The following PIP5K1B variants were observed in gnomAD, a reference collection of about 807,000 sequenced individuals.
PIP5K1B encodes phosphatidylinositol 4-phosphate 5-kinase type-1 beta.
PIP5K1B carries 42 observed loss-of-function variants against 67.0 expected under a neutral mutation model. That is an observed-to-expected ratio of 0.63 (90% CI 0.49 to 0.81). The LOEUF is 0.81. Ranked by LOEUF, PIP5K1B falls within the 30% of genes least tolerant of loss-of-function variation. The probability of loss-of-function intolerance (pLI) is 0.00; values close to 1 mark genes in which losing one functional copy is unlikely to be tolerated. For synonymous variants in PIP5K1B, 214 were observed against 231.4 expected, an observed-to-expected ratio of 0.92 and a Z score of 0.68; for missense variants, 459 against 646.3, an observed-to-expected ratio of 0.71 and a Z score of 3.14.
intron 15 of PIP5K1B, among the ~76,000 whole-genome samples, chr9:69,003,422 T>C (rs1830913833): frequency 6.6e-6 from 1 of 151,200 alleles, no homozygotes; most frequent in Admixed American, 6.6e-5. Context: ...AGAAAGCTCT[T>C]GCTTTAATAA....
At chr9:68,958,572 T>G (rs1828528562) in intron 14 of PIP5K1B, among the ~76,000 whole-genome samples, 1 of 152,224 alleles carries the variant, frequency 6.6e-6, no homozygotes, top group African/African-American at 2.4e-5. Flanking sequence ...CAAGCAGCAT[T>G]CATGATTTTG....
chr9:68,828,359 T>A (rs1834097691), intron 4 of PIP5K1B, among the ~76,000 whole-genome samples: 1 of 152,202 alleles, frequency 6.6e-6, no homozygotes, highest in South Asian at 2.1e-4. Context: ...TTTAGCTGGT[T>A]TTCACTGTGA....
intron 14 of PIP5K1B, 174 bp downstream of exon 14, chr9:68,940,964 G>C (rs1827531570): frequency 1.4e-6 from 1 of 706,848 alleles, no homozygotes. Context: ...GAACATTGGA[G>C]GGAAAACCCT....
At chr9:68,889,504 G>A (rs565464870) in intron 7 of PIP5K1B, among the ~76,000 whole-genome samples, 1 of 152,188 alleles carries the variant, frequency 6.6e-6, no homozygotes, top group South Asian at 2.1e-4. Context: ...GGAGGCCGAG[G>A]CAGGCAGATC....
intron 8 of PIP5K1B, among the ~76,000 whole-genome samples, chr9:68,897,353 C>G (rs140065925): frequency 2.0e-5 from 3 of 152,136 alleles, no homozygotes; most frequent in Non-Finnish European, 1.5e-5. Flanking sequence ...ATGAGGTGCA[C>G]GACCTTTATT....
intron 15 of PIP5K1B, among the ~76,000 whole-genome samples, chr9:68,999,785 A>T (rs757179338): frequency 6.6e-6 from 1 of 152,228 alleles, no homozygotes; most frequent in African/African-American, 2.4e-5. Context: ...CTTGCCAATG[A>T]GTTCCTGCTT....
rs1827078581 is a variant in PIP5K1B at position 68,705,554 on chromosome 9, T to C, written c.-451T>C. 1.4e-5 allele frequency: 2 copies of C among 146,934 alleles called. No homozygotes were observed. 9.1% of individuals were successfully genotyped at this position (146,934 alleles called of 1,614,324 possible). ...TCCGGAGCGAGTTTGGCCCCGCGGCTCCAGCCCCGGCACCTGCCCGCCCTC... is the reference window on the plus strand; with the variant it reads ...TCCGGAGCGAGTTTGGCCCCGCGGCCCCAGCCCCGGCACCTGCCCGCCCTC... On this transcript the variant is annotated 5_prime_UTR_variant, in exon 1 of 16. Coordinates refer to ENST00000265382, the MANE Select transcript of PIP5K1B (RefSeq NM_003558.4).
At chr9:68,881,584 T>G (rs1298283756) in intron 6 of PIP5K1B, among the ~76,000 whole-genome samples, 1 of 152,224 alleles carries the variant, frequency 6.6e-6, no homozygotes, top group Non-Finnish European at 1.5e-5. Context: ...CTTTTTGCTG[T>G]TGCATCTGGA....
intron 14 of PIP5K1B, among the ~76,000 whole-genome samples, chr9:68,984,483 C>T (rs1405407616): frequency 6.6e-6 from 1 of 152,128 alleles, no homozygotes; most frequent in East Asian, 1.9e-4. Context: ...AATACCAAGA[C>T]AATAATAATT....
intron 15 of PIP5K1B, among the ~76,000 whole-genome samples, chr9:68,996,287 A>T (rs1830598161): frequency 6.6e-6 from 1 of 152,182 alleles, no homozygotes; most frequent in Non-Finnish European, 1.5e-5. Context: ...AAAGGCAGCT[A>T]ATTGTTCCAT....
intron 12 of PIP5K1B, among the ~76,000 whole-genome samples, chr9:68,930,650 A>G (rs374487040): frequency 1.3e-5 from 2 of 151,628 alleles, no homozygotes; most frequent in African/African-American, 4.9e-5. Flanking sequence ...TTTGCCTCCC[A>G]TCATGTACCC....
chr9:68,708,116 G>A (rs753734608), intron 1 of PIP5K1B: 9 of 151,984 alleles, frequency 5.9e-5, no homozygotes, highest in Admixed American at 2.0e-4. Context: ...TAACAAGTGC[G>A]TTTTAGCTTA....
intron 2 of PIP5K1B, among the ~76,000 whole-genome samples, chr9:68,756,870 A>G (rs1288846191): frequency 1.3e-5 from 2 of 152,194 alleles, no homozygotes; most frequent in Admixed American, 6.5e-5. Flanking sequence ...GATATATTTT[A>G]TGTAGCCTAA....
chr9:68,884,942 A>G (rs1824393293), intron 6 of PIP5K1B, among the ~76,000 whole-genome samples: 1 of 152,224 alleles, frequency 6.6e-6, no homozygotes, highest in Admixed American at 6.5e-5. Context: ...ATATGATCCA[A>G]CAACCCCACC....
At chr9:68,800,281 C>T (rs1374385054) in intron 2 of PIP5K1B, among the ~76,000 whole-genome samples, 1 of 152,176 alleles carries the variant, frequency 6.6e-6, no homozygotes, top group Admixed American at 6.5e-5. Flanking sequence ...TGCTTAGGCC[C>T]TGCAAATGTT....
chr9:68,963,417 C>T (rs939573258), intron 14 of PIP5K1B: 1 of 281,216 alleles, frequency 3.6e-6, no homozygotes, highest in African/African-American at 2.2e-5. Context: ...GCAGGAGAAT[C>T]ACTTGAACCC....
At chr9:68,940,056 G>GT (rs1451620967) in intron 13 of PIP5K1B, among the ~76,000 whole-genome samples, 3 of 152,072 alleles carry the variant, frequency 2.0e-5, no homozygotes, top group Non-Finnish European at 4.4e-5. Flanking sequence ...AAAAATAAGT[G>GT]TTTTCTCATT....
At chr9:68,831,798 C>G (rs1258524785) in intron 4 of PIP5K1B, among the ~76,000 whole-genome samples, 1 of 152,092 alleles carries the variant, frequency 6.6e-6, no homozygotes, top group Non-Finnish European at 1.5e-5. Context: ...GCCTCAGCCT[C>G]CTGAGTAGCT....
intron 5 of PIP5K1B, 70 bp downstream of exon 5, chr9:68,864,037 G>A (rs1823241809): frequency 3.4e-6 from 5 of 1,453,502 alleles, no homozygotes; most frequent in Non-Finnish European, 4.8e-6. Context: ...CATATTGAAG[G>A]GCTTTTCTAC....
Sources: allele counts gnomAD v4.1 joint callset (sites outside exome capture counted in the v4.1 genomes callset), GRCh38; gene constraint gnomAD v4.1.1; transcripts MANE v1.5; gene names NCBI Gene and HGNC (gene_info 2026-07-23, HGNC 2026-07-21).